SGCZ: variants seen among roughly 807,000 people sequenced by gnomAD.
SGCZ encodes sarcoglycan zeta.
Under a neutral mutation model 41.3 loss-of-function variants are expected in SGCZ, and 40 were observed. The observed-to-expected ratio is 0.97, with a 90% confidence interval of 0.75 to 1.26. SGCZ has a LOEUF of 1.26. SGCZ is among the 50% of genes most tolerant of loss of function. The pLI, the probability that SGCZ is intolerant of heterozygous loss-of-function variation, is 0.00. For missense variants in SGCZ, 552 were observed against 369.8 expected, an observed-to-expected ratio of 1.49 and a Z score of -4.04; for synonymous variants, 206 against 137.5, an observed-to-expected ratio of 1.50 and a Z score of -3.49.
chr8:14,795,891 A>G (rs1208469659), intron 1 of SGCZ, among the ~76,000 whole-genome samples: 1 of 152,058 alleles, frequency 6.6e-6, no homozygotes, highest in South Asian at 2.1e-4. Flanking sequence ...TGTTCTCATT[A>G]TTTAGTTCCC....
intron 1 of SGCZ, among the ~76,000 whole-genome samples, chr8:14,866,469 T>C (rs1185738864): frequency 6.6e-6 from 1 of 152,090 alleles, no homozygotes; most frequent in East Asian, 1.9e-4. Context: ...TATGTTTGTT[T>C]ATATGGTGCT....
intron 1 of SGCZ, among the ~76,000 whole-genome samples, chr8:15,034,788 AAG>A (rs1378981875): frequency 4.9e-5 from 2 of 40,532 alleles, no homozygotes; most frequent in Non-Finnish European, 1.6e-4. Context: ...CTTTACAGAC[AAG>A]AGAGAGTGGA....
At chr8:14,506,012 T>TA (rs377482865) in intron 2 of SGCZ, among the ~76,000 whole-genome samples, 1 of 149,508 alleles carries the variant, frequency 6.7e-6, no homozygotes, top group African/African-American at 2.5e-5. Context: ...CTCATTCTTC[T>TA]TTTTTTTTTC....
At chr8:14,212,308 C>G (rs1022101482) in intron 4 of SGCZ, among the ~76,000 whole-genome samples, 9 of 152,000 alleles carry the variant, frequency 5.9e-5, no homozygotes, top group Non-Finnish European at 1.3e-4. Context: ...AACTCTCTTT[C>G]CTATGGCCAC....
intron 1 of SGCZ, among the ~76,000 whole-genome samples, chr8:14,933,431 C>CTTTTTT (rs11443740): frequency 2.5e-5 from 3 of 120,420 alleles, no homozygotes; most frequent in Non-Finnish European, 4.9e-5. Flanking sequence ...CTTTTTTTTT[C>CTTTTTT]TTTTTTTTTT....
chr8:14,223,976 C>A (rs755455504), intron 4 of SGCZ, among the ~76,000 whole-genome samples: 63 of 152,088 alleles, frequency 4.1e-4, no homozygotes, highest in Non-Finnish European at 8.8e-5. Flanking sequence ...TTAAAATGTT[C>A]ATTTTATGTT....
chr8:14,821,618 T>C (rs62493310), intron 1 of SGCZ, among the ~76,000 whole-genome samples: 19,080 of 152,134 alleles, frequency 0.13, 1,548 homozygotes, highest in East Asian at 0.34. Flanking sequence ...TCAGGCACTA[T>C]GATCAGGCGA....
chr8:15,076,115 G>C (rs575104650), intron 1 of SGCZ, among the ~76,000 whole-genome samples: 1 of 152,114 alleles, frequency 6.6e-6, no homozygotes, highest in African/African-American at 2.4e-5. Context: ...CATCTATGAA[G>C]ATGAAGAAAA....
intron 1 of SGCZ, among the ~76,000 whole-genome samples, chr8:14,982,788 G>T (rs919948413): frequency 3.9e-5 from 6 of 152,064 alleles, no homozygotes; most frequent in African/African-American, 1.4e-4. Context: ...TCAGGGGTGG[G>T]TGACGATAAT....
intron 3 of SGCZ, among the ~76,000 whole-genome samples, chr8:14,245,304 A>G (rs1422618825): frequency 6.6e-6 from 1 of 152,172 alleles, no homozygotes; most frequent in Admixed American, 6.5e-5. Flanking sequence ...ATCTACAACT[A>G]TCTGATCTTT....
intron 1 of SGCZ, among the ~76,000 whole-genome samples, chr8:15,024,212 G>C (rs1437756542): frequency 2.0e-5 from 3 of 152,012 alleles, no homozygotes; most frequent in African/African-American, 7.2e-5. Flanking sequence ...CATGTTTATA[G>C]TAAAGTTTTC....
chr8:14,974,931 T>C (rs1801415906), intron 1 of SGCZ, among the ~76,000 whole-genome samples: 1 of 151,178 alleles, frequency 6.6e-6, no homozygotes, highest in Admixed American at 6.6e-5. Flanking sequence ...CTGTGGGAAA[T>C]TTGAAATTCC....
chr8:14,775,407 T>G (rs529180950), intron 1 of SGCZ, among the ~76,000 whole-genome samples: 1 of 152,000 alleles, frequency 6.6e-6, no homozygotes, highest in African/African-American at 2.4e-5. Context: ...CTTACCTAAT[T>G]ATTTTCCTAC....
chr8:14,782,976 T>C (rs1800635602), intron 1 of SGCZ, among the ~76,000 whole-genome samples: 1 of 152,220 alleles, frequency 6.6e-6, no homozygotes, highest in Admixed American at 6.5e-5. Context: ...TTAATGGATA[T>C]TATAAACTTA....
At chr8:15,140,777 T>C (rs1459084541) in intron 1 of SGCZ, among the ~76,000 whole-genome samples, 1 of 152,208 alleles carries the variant, frequency 6.6e-6, no homozygotes, top group Admixed American at 6.5e-5. Flanking sequence ...ACAGCTCAGT[T>C]ATCCTGCTCA....
At chr8:15,070,182 A>C (rs1585532468) in intron 1 of SGCZ, among the ~76,000 whole-genome samples, 1 of 152,274 alleles carries the variant, frequency 6.6e-6, no homozygotes, top group Non-Finnish European at 1.5e-5. Flanking sequence ...CAAGCTTCAA[A>C]GTACTCCTCT....
intron 2 of SGCZ, among the ~76,000 whole-genome samples, chr8:14,386,735 A>G (rs1257224583): frequency 6.6e-6 from 1 of 152,204 alleles, no homozygotes; most frequent in African/African-American, 2.4e-5. Context: ...TCTTAATTAC[A>G]AATCTTAAAA....
chr8:15,217,547 T>C (rs17472491), intron 1 of SGCZ, among the ~76,000 whole-genome samples: 7,690 of 151,426 alleles, frequency 0.051, 260 homozygotes, highest in Middle Eastern at 0.085. Context: ...ATTATACCAA[T>C]CTAGGAGGGT....
intron 1 of SGCZ, among the ~76,000 whole-genome samples, chr8:14,663,627 G>A (rs1807822307): frequency 6.6e-6 from 1 of 151,998 alleles, no homozygotes; most frequent in South Asian, 2.1e-4. Context: ...ACCAGCACCT[G>A]GAACATTGTA....
Sources: gnomAD v4.1 joint callset for allele counts (sites outside exome capture counted in the v4.1 genomes callset) on GRCh38, gnomAD v4.1.1 for gene constraint, MANE v1.5 for transcripts, NCBI Gene and HGNC (gene_info 2026-07-23, HGNC 2026-07-21) for gene names.